PLPPR1: variants seen among roughly 807,000 people sequenced by gnomAD.
PLPPR1 encodes the protein phospholipid phosphatase related 1, also known as phospholipid phosphatase-related protein type 1.
Under a neutral mutation model 33.1 loss-of-function variants are expected in PLPPR1, and 10 were observed. The observed-to-expected ratio is 0.30, with a 90% confidence interval of 0.19 to 0.51. The LOEUF is 0.51. Ranked by LOEUF, PLPPR1 falls within the 20% of genes least tolerant of loss-of-function variation. PLPPR1 has a pLI of 0.97. For synonymous variants in PLPPR1, 151 were observed against 151.0 expected (o/e 1.00, Z 0.00); for missense variants, 304 against 408.1 (o/e 0.74, Z 2.20).
intron 2 of PLPPR1, among the ~76,000 whole-genome samples, chr9:101,248,592 A>C (rs1480547572): frequency 6.6e-6 from 1 of 152,128 alleles, no homozygotes; most frequent in African/African-American, 2.4e-5. Flanking sequence ...CATAACCTCC[A>C]GTCAAGCATG....
intron 2 of PLPPR1, among the ~76,000 whole-genome samples, chr9:101,191,503 A>G (rs542005466): frequency 4.0e-5 from 6 of 149,592 alleles, no homozygotes; most frequent in Non-Finnish European, 8.9e-5. Context: ...CCTTTTTTTC[A>G]CTGTCATTTC....
intron 1 of PLPPR1, among the ~76,000 whole-genome samples, chr9:101,092,778 G>A (rs1830762931): frequency 1.3e-5 from 2 of 152,054 alleles, no homozygotes; most frequent in South Asian, 4.1e-4. Flanking sequence ...TTGGAACCCT[G>A]ATTCTCGCTG....
At chr9:101,126,994 T>C (rs1831253260) in intron 1 of PLPPR1, among the ~76,000 whole-genome samples, 2 of 152,188 alleles carry the variant, frequency 1.3e-5, no homozygotes, top group Admixed American at 6.5e-5. Flanking sequence ...TCCCTTGCTC[T>C]GGGAACCATG....
intron 3 of PLPPR1, among the ~76,000 whole-genome samples, chr9:101,270,364 A>G (rs191498929): frequency 6.6e-6 from 1 of 152,376 alleles, no homozygotes; most frequent in Non-Finnish European, 1.5e-5. Flanking sequence ...TGTTAAGAAC[A>G]GCTATTGTCC....
intron 2 of PLPPR1, among the ~76,000 whole-genome samples, chr9:101,245,565 T>G (rs566212188): frequency 2.6e-5 from 4 of 151,986 alleles, no homozygotes; most frequent in African/African-American, 4.8e-5. Context: ...GTATCTATTT[T>G]ATTATGTGTC....
At chr9:101,145,830 A>T (rs1286533530) in intron 1 of PLPPR1, among the ~76,000 whole-genome samples, 1 of 134,906 alleles carries the variant, frequency 7.4e-6, no homozygotes, top group Non-Finnish European at 1.6e-5. Context: ...ACATGGCAAG[A>T]CCCTATTTCT....
At chr9:101,238,162 C>CAT (rs1309908533) in intron 2 of PLPPR1, among the ~76,000 whole-genome samples, 5 of 136,240 alleles carry the variant, frequency 3.7e-5, no homozygotes, top group Non-Finnish European at 6.4e-5. Flanking sequence ...CATATACACA[C>CAT]ATATATATAC....
intron 2 of PLPPR1, among the ~76,000 whole-genome samples, chr9:101,225,753 C>A (rs976707045): frequency 6.8e-6 from 1 of 147,524 alleles, no homozygotes; most frequent in Non-Finnish European, 1.5e-5. Flanking sequence ...ACCCCCACCC[C>A]CTATGTAACC....
At chr9:101,264,936 C>T (rs1827961063) in intron 2 of PLPPR1, among the ~76,000 whole-genome samples, 1 of 152,126 alleles carries the variant, frequency 6.6e-6, no homozygotes, top group South Asian at 2.1e-4. Flanking sequence ...AAACTCTTGC[C>T]TCTGTCCTAC....
intron 2 of PLPPR1, among the ~76,000 whole-genome samples, chr9:101,190,495 T>G (rs1171561974): frequency 2.0e-5 from 3 of 152,136 alleles, no homozygotes; most frequent in African/African-American, 4.8e-5. Context: ...AAGCTGCTCA[T>G]AGTGGAATGC....
intron 2 of PLPPR1, among the ~76,000 whole-genome samples, chr9:101,264,549 G>A (rs1396481691): frequency 6.6e-6 from 1 of 152,160 alleles, no homozygotes; most frequent in Non-Finnish European, 1.5e-5. Flanking sequence ...TCCTTGTGTT[G>A]GTGGGCATGC....
intron 1 of PLPPR1, among the ~76,000 whole-genome samples, chr9:101,045,215 T>TAA (rs748843451): frequency 1.1e-4 from 16 of 152,182 alleles, no homozygotes; most frequent in Non-Finnish European, 1.8e-4. Context: ...TGGGAGCAGC[T>TAA]AAAACCATTT....
At chr9:101,213,021 T>A (rs1013137314) in intron 2 of PLPPR1, among the ~76,000 whole-genome samples, 1 of 152,234 alleles carries the variant, frequency 6.6e-6, no homozygotes, top group Admixed American at 6.5e-5. Flanking sequence ...AACAAGCCTA[T>A]GAAGTGAATG....
Position 101,157,037 on chromosome 9 carries a change from G to T in PLPPR1, c.-45-28413G>T, listed in dbSNP as rs141040368. Among the ~76,000 whole-genome samples the T allele has an allele frequency of 2.8e-3, 424 of 152,256 alleles. 2 individuals are homozygous for T. Among genetic ancestry groups the T allele is most frequent in the African/African-American group, 9.9e-3 (413 of 41,550 alleles). On this transcript the variant is annotated intron_variant, in intron 1 of 7. Coordinates refer to ENST00000374874, the MANE Select transcript of PLPPR1 (RefSeq NM_207299.2). ...AGGAAGGATTAATGGGTGGAATAAA[G>T]CCTGGAGATAAGGAACATAAATAGG...
chr9:101,300,592 T>C (rs773929205), intron 4 of PLPPR1, among the ~76,000 whole-genome samples: 1 of 152,236 alleles, frequency 6.6e-6, no homozygotes, highest in Non-Finnish European at 1.5e-5. Context: ...GGCTTGATGC[T>C]GATCTTGTGG....
intron 4 of PLPPR1, among the ~76,000 whole-genome samples, chr9:101,297,009 G>A (rs1205047841): frequency 1.3e-5 from 2 of 151,922 alleles, no homozygotes; most frequent in African/African-American, 2.4e-5. Flanking sequence ...TAAAAAGAAT[G>A]CAACATTATA....
At chr9:101,063,266 A>G (rs561936239) in intron 1 of PLPPR1, among the ~76,000 whole-genome samples, 3 of 152,140 alleles carry the variant, frequency 2.0e-5, no homozygotes, top group African/African-American at 7.2e-5. Flanking sequence ...GGTGGAAGAA[A>G]TGATGGGGGC....
At chr9:101,276,870 C>A (rs1828207108) in intron 3 of PLPPR1, among the ~76,000 whole-genome samples, 1 of 152,202 alleles carries the variant, frequency 6.6e-6, no homozygotes, top group Non-Finnish European at 1.5e-5. Flanking sequence ...ATCCAAACAG[C>A]CTTGGTTCCA....
intron 2 of PLPPR1, among the ~76,000 whole-genome samples, chr9:101,203,126 A>G (rs2118751444): frequency 6.6e-6 from 1 of 152,304 alleles, no homozygotes; most frequent in Middle Eastern, 3.4e-3. Context: ...TTACTAAATG[A>G]TTTGGGGGCA....
Sources: gnomAD v4.1 joint callset for allele counts (sites outside exome capture counted in the v4.1 genomes callset) on GRCh38, gnomAD v4.1.1 for gene constraint, MANE v1.5 for transcripts, NCBI Gene and HGNC (gene_info 2026-07-23, HGNC 2026-07-21) for gene names.